Variants in DACH2 observed in about 807,000 individuals in gnomAD.
DACH2 encodes dachshund homolog 2.
Under a neutral mutation model 35.8 loss-of-function variants are expected in DACH2, and 17 were observed. The ratio of observed to expected loss-of-function variants is 0.48; its 90% CI spans 0.33 to 0.71. The LOEUF is 0.71. DACH2 is among the 30% of genes least tolerant of loss of function. DACH2 has a pLI of 0.02. For missense variants in DACH2, 469 were observed against 472.7 expected (o/e 0.99, Z 0.07); for synonymous variants, 195 against 177.3 (o/e 1.10, Z -0.79).
At chrX:86,385,155 A>G (rs1415826771) in intron 2 of DACH2, among the ~76,000 whole-genome samples, 6 of 111,855 alleles carry the variant, frequency 5.4e-5, no homozygotes, top group Non-Finnish European at 9.5e-5. Flanking sequence ...AGTCTAAATT[A>G]CAAAAATGGT....
intron 1 of DACH2, among the ~76,000 whole-genome samples, chrX:86,254,620 T>C (rs950426859): frequency 9.8e-6 from 1 of 102,138 alleles, no homozygotes; most frequent in African/African-American, 3.6e-5. Context: ...CCTGGTTCAC[T>C]ATTTCTGCAG....
intron 1 of DACH2, among the ~76,000 whole-genome samples, chrX:86,240,441 A>ATTG (rs2033140643): frequency 3.1e-5 from 1 of 32,075 alleles, no homozygotes; most frequent in Admixed American, 4.4e-4. Flanking sequence ...GTATCAGATT[A>ATTG]TTATTATTAT....
At chrX:86,194,996 A>G (rs899247974) in intron 1 of DACH2, among the ~76,000 whole-genome samples, 2 of 112,572 alleles carry the variant, frequency 1.8e-5, no homozygotes, top group Admixed American at 1.9e-4. Flanking sequence ...TGTGTTGCAG[A>G]TCATGCCTGA....
Position 86,432,076 on chromosome X carries a change from T to C in DACH2, c.527+55214T>C, listed in dbSNP as rs184304307. On this transcript the variant is annotated intron_variant, in intron 2 of 11. Coordinates refer to ENST00000373125, the MANE Select transcript of DACH2 (RefSeq NM_053281.3). ...TCATTTTAATAAAAAAGAAATCTAT[T>C]TGCTGGTTTTATTTGGATTGACAAG... is the stretch of plus-strand genomic sequence containing the variant. 2.6e-4 allele frequency among the ~76,000 whole-genome samples: 29 copies of C among 112,017 alleles called. No individual in the cohort carries two copies. In the East Asian group the frequency reaches 3.4e-3, roughly 13 times the overall value.
intron 1 of DACH2, among the ~76,000 whole-genome samples, chrX:86,189,023 G>A (rs150548385): frequency 0.033 from 3,698 of 111,822 alleles, 143 homozygotes; most frequent in African/African-American, 0.11. Context: ...AGAAAAGCTA[G>A]TAAAAGATTA....
intron 7 of DACH2, among the ~76,000 whole-genome samples, chrX:86,786,650 T>C (rs1373470310): frequency 2.7e-5 from 3 of 112,507 alleles, no homozygotes; most frequent in Non-Finnish European, 5.6e-5. Flanking sequence ...ATAACATTTT[T>C]CTGTTAAGAT....
In DACH2 at chrX:86,624,330, T is replaced by C. The variant is rs1373562530; in HGVS notation, c.641-26706T>C. Among the ~76,000 whole-genome samples the C allele has an allele frequency of 8.0e-5, 9 of 111,933 alleles. 1 individual carries two copies. In the Admixed American group the frequency reaches 8.6e-4, roughly 11 times the overall value. Reference sequence around the variant, plus strand: ...GCAACCAAGCAGATCATATTGCTTTTTTAAAAAATGTGTTTATCTTACATG... The same window carrying C: ...GCAACCAAGCAGATCATATTGCTTTCTTAAAAAATGTGTTTATCTTACATG... On this transcript the variant is annotated intron_variant, in intron 3 of 11. Coordinates refer to ENST00000373125, the MANE Select transcript of DACH2 (RefSeq NM_053281.3).
chrX:86,495,343 C>T (rs2038154307), intron 2 of DACH2, among the ~76,000 whole-genome samples: 1 of 109,893 alleles, frequency 9.1e-6, no homozygotes, highest in Non-Finnish European at 1.9e-5. Flanking sequence ...CAGAGGTGAG[C>T]CACTGCATCC....
chrX:86,520,882 G>A (rs897768340), intron 3 of DACH2, among the ~76,000 whole-genome samples: 1 of 111,250 alleles, frequency 9.0e-6, no homozygotes, highest in East Asian at 2.8e-4. Flanking sequence ...TTTAAGTGGG[G>A]CATTTAGCCC....
intron 2 of DACH2, among the ~76,000 whole-genome samples, chrX:86,459,690 A>G (rs1012957974): frequency 3.6e-5 from 4 of 111,346 alleles, no homozygotes; most frequent in Middle Eastern, 4.6e-3. Flanking sequence ...ACCAAATCTA[A>G]TGGTTAGCAT....
chrX:86,415,447 A>AG (rs1449562577), intron 2 of DACH2, among the ~76,000 whole-genome samples: 1 of 112,138 alleles, frequency 8.9e-6, no homozygotes, highest in Non-Finnish European at 1.9e-5. Flanking sequence ...GATAAGAAAA[A>AG]GAAAAGAATT....
intron 3 of DACH2, among the ~76,000 whole-genome samples, chrX:86,550,533 T>C (rs1010587479): frequency 9.0e-6 from 1 of 110,714 alleles, no homozygotes; most frequent in African/African-American, 3.3e-5. Context: ...CCACCAAAAG[T>C]CCTTTATTTT....
chrX:86,366,600 C>A (rs1465122750), intron 1 of DACH2, among the ~76,000 whole-genome samples: 1 of 110,823 alleles, frequency 9.0e-6, no homozygotes, highest in African/African-American at 3.3e-5. Flanking sequence ...TTATTTCTGG[C>A]TACCATATGA....
chrX:86,440,444 G>T (rs2037141343), intron 2 of DACH2, among the ~76,000 whole-genome samples: 2 of 111,170 alleles, frequency 1.8e-5, no homozygotes, highest in South Asian at 7.5e-4. Context: ...GCTTTCTTTT[G>T]ATTTGTGTTA....
chrX:86,411,089 G>T (rs1431421194), intron 2 of DACH2, among the ~76,000 whole-genome samples: 16 of 86,902 alleles, frequency 1.8e-4, no homozygotes, highest in Admixed American at 1.8e-3. Flanking sequence ...ACGATCACAG[G>T]GTCCCACAAT....
chrX:86,469,037 C>A (rs5923535), intron 2 of DACH2, among the ~76,000 whole-genome samples: 48,398 of 110,234 alleles, frequency 0.44, 8,264 homozygotes, highest in Admixed American at 0.61. Flanking sequence ...GGAATGAAAT[C>A]TTGTCATTTT....
chrX:86,747,740 G>C (rs1237718371), intron 7 of DACH2, among the ~76,000 whole-genome samples: 1 of 111,709 alleles, frequency 9.0e-6, no homozygotes, highest in Non-Finnish European at 1.9e-5. Context: ...GGTCACTGAA[G>C]GTTGGGGTGG....
intron 1 of DACH2, among the ~76,000 whole-genome samples, chrX:86,269,302 G>A (rs1170268473): frequency 8.9e-6 from 1 of 111,899 alleles, no homozygotes; most frequent in African/African-American, 3.2e-5. Context: ...GTATTATCCC[G>A]TGTTGTTGCA....
At chrX:86,602,207 TA>T (rs1398087114) in intron 3 of DACH2, among the ~76,000 whole-genome samples, 1 of 111,874 alleles carries the variant, frequency 8.9e-6, no homozygotes, top group Admixed American at 9.5e-5. Context: ...TATTTCTGTG[TA>T]ATGTTCTGTT....
Sources: gnomAD v4.1 joint callset for allele counts (sites outside exome capture counted in the v4.1 genomes callset) on GRCh38, gnomAD v4.1.1 for gene constraint, MANE v1.5 for transcripts, NCBI Gene and HGNC (gene_info 2026-07-23, HGNC 2026-07-21) for gene names.